The following LRRTM4 variants were observed in gnomAD, a reference collection of about 807,000 sequenced individuals.
The protein encoded by LRRTM4 is leucine rich repeat transmembrane neuronal 4, also known as leucine-rich repeat transmembrane neuronal protein 4.
LRRTM4 carries 25 observed loss-of-function variants against 47.6 expected under a neutral mutation model. That is an observed-to-expected ratio of 0.53 (90% CI 0.38 to 0.73). LRRTM4 has a LOEUF of 0.73. LRRTM4 is among the 30% of genes least tolerant of loss of function. The pLI is 0.00. For missense variants in LRRTM4, 638 were observed against 713.4 expected (o/e 0.89, Z 1.20); for synonymous variants, 311 against 269.5 (o/e 1.15, Z -1.51).
chr2:77,240,443 C>T (rs1468129058), intron 3 of LRRTM4, among the ~76,000 whole-genome samples: 2 of 151,898 alleles, frequency 1.3e-5, no homozygotes, highest in Non-Finnish European at 2.9e-5. Context: ...AGGTTTTTAT[C>T]TTCAAAAATT....
chr2:77,375,376 A>G (rs942406400), intron 3 of LRRTM4, among the ~76,000 whole-genome samples: 1 of 151,770 alleles, frequency 6.6e-6, no homozygotes, highest in Admixed American at 6.6e-5. Context: ...CAATGAAGAT[A>G]ATAAACATAT....
intron 3 of LRRTM4, among the ~76,000 whole-genome samples, chr2:77,090,091 T>C (rs1274031429): frequency 1.3e-5 from 2 of 152,074 alleles, no homozygotes; most frequent in African/African-American, 4.8e-5. Context: ...GTCCCAATTC[T>C]TCCTCCGCCT....
At chr2:76,899,745 ATAAAT>A (rs1347183234) in intron 3 of LRRTM4, among the ~76,000 whole-genome samples, 4 of 152,316 alleles carry the variant, frequency 2.6e-5, no homozygotes, top group South Asian at 2.1e-4. Flanking sequence ...AAATACAAAG[ATAAAT>A]TAAAAGGCAA....
chr2:77,261,422 T>C (rs920797812), intron 3 of LRRTM4, among the ~76,000 whole-genome samples: 2 of 152,108 alleles, frequency 1.3e-5, no homozygotes, highest in South Asian at 4.1e-4. Flanking sequence ...TCTTTTCTCA[T>C]CCTGGTGAAA....
At chr2:77,119,903 G>T (rs956720416) in intron 3 of LRRTM4, among the ~76,000 whole-genome samples, 6 of 151,750 alleles carry the variant, frequency 4.0e-5, no homozygotes, top group Non-Finnish European at 7.4e-5. Context: ...TATCTGAAGA[G>T]TGTATATTAA....
intron 3 of LRRTM4, among the ~76,000 whole-genome samples, chr2:77,290,179 A>G (rs991244905): frequency 2.6e-5 from 4 of 152,020 alleles, no homozygotes; most frequent in Non-Finnish European, 5.9e-5. Flanking sequence ...AAACCCTACT[A>G]TTAGGTGAAA....
chr2:77,390,243 G>C (rs1219628510), intron 3 of LRRTM4, among the ~76,000 whole-genome samples: 3 of 152,016 alleles, frequency 2.0e-5, no homozygotes, highest in Non-Finnish European at 4.4e-5. Flanking sequence ...TGCATTGGAA[G>C]ATAAACAACA....
intron 3 of LRRTM4, among the ~76,000 whole-genome samples, chr2:76,854,331 C>G (rs530659021): frequency 4.7e-4 from 72 of 152,184 alleles, no homozygotes; most frequent in African/African-American, 1.7e-3. Flanking sequence ...AGATAGTATG[C>G]TGAGAATCTG....
chr2:77,242,197 A>C (rs1309306156), intron 3 of LRRTM4, among the ~76,000 whole-genome samples: 1 of 152,198 alleles, frequency 6.6e-6, no homozygotes, highest in Non-Finnish European at 1.5e-5. Flanking sequence ...AATTTGGATA[A>C]GAATTGCATT....
At chr2:77,417,537 A>C (rs1488243585) in intron 3 of LRRTM4, among the ~76,000 whole-genome samples, 1 of 152,190 alleles carries the variant, frequency 6.6e-6, no homozygotes, top group Admixed American at 6.5e-5. Flanking sequence ...TGTGGCACAT[A>C]TACACCATGG....
chr2:77,434,881 T>C (rs1558741977), intron 3 of LRRTM4, among the ~76,000 whole-genome samples: 1 of 152,078 alleles, frequency 6.6e-6, no homozygotes, highest in Admixed American at 6.6e-5. Context: ...AGATGGATAG[T>C]GATGTTGGTG....
intron 3 of LRRTM4, among the ~76,000 whole-genome samples, chr2:77,133,784 T>A (rs1171789407): frequency 1.3e-5 from 2 of 152,204 alleles, no homozygotes; most frequent in Non-Finnish European, 2.9e-5. Flanking sequence ...CGCCATTGAA[T>A]GTCACCTTGA....
intron 3 of LRRTM4, among the ~76,000 whole-genome samples, chr2:76,764,263 A>G (rs1673368940): frequency 6.6e-6 from 1 of 152,244 alleles, no homozygotes; most frequent in South Asian, 2.1e-4. Context: ...GCAAAAAAGA[A>G]AAAAAGAGAA....
At chr2:77,365,460 A>T (rs1672405495) in intron 3 of LRRTM4, among the ~76,000 whole-genome samples, 2 of 151,964 alleles carry the variant, frequency 1.3e-5, no homozygotes, top group Admixed American at 1.3e-4. Flanking sequence ...TTCTTTTGGC[A>T]TAGATTTTTT....
intron 3 of LRRTM4, among the ~76,000 whole-genome samples, chr2:76,872,205 T>C (rs971043099): frequency 6.6e-6 from 1 of 152,142 alleles, no homozygotes; most frequent in African/African-American, 2.4e-5. Flanking sequence ...ATAATTTCCA[T>C]ATAGGAACAT....
rs1393372896 is a variant in LRRTM4 at position 76,750,005 on chromosome 2, C to G, written c.1552-1089G>C. ...TGCTTTTAGGATGCTGAGGTTTGGA[C>G]TTTGCAAACCACATATCTGTTTTAT... On this transcript the variant is annotated intron_variant, in intron 3 of 3. Coordinates refer to ENST00000409884, the MANE Select transcript of LRRTM4 (RefSeq NM_001134745.3). 3.9e-5 allele frequency among the ~76,000 whole-genome samples: 6 copies of G among 152,176 alleles called. No homozygotes were observed. In the East Asian group the frequency reaches 1.2e-3, roughly 29 times the overall value.
At chr2:77,076,954 G>GT (rs1322615118) in intron 3 of LRRTM4, among the ~76,000 whole-genome samples, 10 of 152,104 alleles carry the variant, frequency 6.6e-5, no homozygotes, top group African/African-American at 2.4e-4. Flanking sequence ...CAGTAATGAG[G>GT]TAAACAATAA....
At chr2:77,346,926 T>C (rs1039148693) in intron 3 of LRRTM4, among the ~76,000 whole-genome samples, 5 of 152,272 alleles carry the variant, frequency 3.3e-5, no homozygotes, top group Admixed American at 3.3e-4. Context: ...AATTTATGTG[T>C]GTGATGCGAC....
intron 3 of LRRTM4, among the ~76,000 whole-genome samples, chr2:76,795,759 C>G (rs369492999): frequency 6.6e-6 from 1 of 152,100 alleles, no homozygotes; most frequent in East Asian, 1.9e-4. Context: ...CAACATTACC[C>G]TGACACCAAA....
Sources: gnomAD v4.1 joint callset for allele counts (sites outside exome capture counted in the v4.1 genomes callset) on GRCh38, gnomAD v4.1.1 for gene constraint, MANE v1.5 for transcripts, NCBI Gene and HGNC (gene_info 2026-07-23, HGNC 2026-07-21) for gene names.